Variants in TRIO observed in about 807,000 individuals in gnomAD.
The protein encoded by TRIO is trio Rho guanine nucleotide exchange factor.
A neutral mutation model predicts 351.9 loss-of-function variants in TRIO; 58 were observed. The ratio of observed to expected loss-of-function variants is 0.16; its 90% confidence interval spans 0.13 to 0.21. The LOEUF is 0.21. Among genes scored for constraint, TRIO ranks in the 10% least tolerant of loss-of-function variants. TRIO has a pLI of 1.00. For missense variants in TRIO, 3,201 were observed against 4,027.8 expected (o/e 0.79, Z 5.56); for synonymous variants, 1,758 against 1,595.7 (o/e 1.10, Z -2.42).
At chr5:14,465,750 G>C (rs1754207485) in intron 37 of TRIO, 110 bp downstream of exon 37, 5 of 1,231,730 alleles carry the variant, frequency 4.1e-6, no homozygotes, top group Admixed American at 3.9e-5. Context: ...TGTGGCTGTG[G>C]CTTATGGCAC....
chr5:14,397,984 G>T (rs1298432130), intron 29 of TRIO, among the ~76,000 whole-genome samples: 1 of 152,128 alleles, frequency 6.6e-6, no homozygotes, highest in Non-Finnish European at 1.5e-5. Context: ...ATTCCATTTA[G>T]CAGGAAGTGG....
intron 15 of TRIO, among the ~76,000 whole-genome samples, chr5:14,365,493 A>C (rs1561396982): frequency 6.6e-6 from 1 of 151,936 alleles, no homozygotes; most frequent in Non-Finnish European, 1.5e-5. Flanking sequence ...GAACAGGTAG[A>C]CTCTTCAGTC....
intron 34 of TRIO, chr5:14,440,690 G>T (rs1455146381): frequency 6.6e-6 from 1 of 152,180 alleles, no homozygotes; most frequent in African/African-American, 2.4e-5. Flanking sequence ...CTATTAGGCC[G>T]CATTACATTT....
At chr5:14,399,688 A>G (rs1273855130) in intron 30 of TRIO, among the ~76,000 whole-genome samples, 1 of 152,198 alleles carries the variant, frequency 6.6e-6, no homozygotes, top group Non-Finnish European at 1.5e-5. Context: ...TCTTGGCAAG[A>G]GCAACATACC....
chr5:14,504,489 G>T lies in TRIO; in HGVS notation c.8508G>T (p.Gln2836His). The T allele has an allele frequency of 6.2e-7, 1 of 1,614,124 alleles. No individual in the cohort carries two copies. Among genetic ancestry groups the T allele is most frequent in the Non-Finnish European group, 8.5e-7 (1 of 1,180,022 alleles). The change falls in exon 55 of 57, where the codon CAG (glutamine) becomes CAT (histidine). Residue 2836 changes from glutamine to histidine, a missense_variant. This residue lies in a region of TRIO where 1,089 missense variants were observed against 954.9 expected (regional missense o/e 1.14). Transcript: ENST00000344204. ...ACAAGAAGTTGATGAAGCGCGACCA[G>T]GTCACCCATGAGCTTGGCATCCTGC... ...FVNKKLMKRD[Q>H]VTHELGILQS...
At chr5:14,315,014 G>A (rs897905917) in intron 8 of TRIO, among the ~76,000 whole-genome samples, 2 of 152,090 alleles carry the variant, frequency 1.3e-5, no homozygotes, top group African/African-American at 2.4e-5. Context: ...CATTTCCAAC[G>A]TCTCAAATTC....
chr5:14,364,422 T>A (rs1052314192), intron 14 of TRIO, among the ~76,000 whole-genome samples: 4 of 152,222 alleles, frequency 2.6e-5, no homozygotes, highest in African/African-American at 9.6e-5. Context: ...AATGCCACAC[T>A]TTCCTAGTTA....
intron 34 of TRIO, among the ~76,000 whole-genome samples, chr5:14,422,032 A>G (rs932848976): frequency 6.6e-6 from 1 of 152,184 alleles, no homozygotes; most frequent in Non-Finnish European, 1.5e-5. Flanking sequence ...CGGCCTGCCC[A>G]TGCCAGCCAT....
intron 1 of TRIO, among the ~76,000 whole-genome samples, chr5:14,204,987 C>T (rs1016997999): frequency 6.6e-6 from 1 of 152,072 alleles, no homozygotes; most frequent in Non-Finnish European, 1.5e-5. Flanking sequence ...TGGTGTCACC[C>T]CTTCTTCAGG....
rs1369860736 is a variant in TRIO, at chr5:14,485,235, A to G, written c.6824A>G (p.Asn2275Ser). The stretch of plus-strand genomic sequence containing the variant: ...AACCAAATTTTAGAAAACCAGCGCA[A>G]TTTTTTAAATGGTAATGTGTGTTCT... The part of the protein sequence containing the change: ...EINQILENQR[N>S]FLNALTSPIE... The change falls in exon 47 of 57, where the codon AAT becomes AGT. Residue 2275 changes from asparagine (N) to serine (S), a missense_variant. By Grantham distance (46) the Asn-to-Ser change is conservative (BLOSUM62 1). Coordinates refer to ENST00000344204, the MANE Select transcript of TRIO (RefSeq NM_007118.4). The G allele has an allele frequency of 1.1e-5, 17 of 1,578,736 alleles. No homozygotes were observed. Among genetic ancestry groups the G allele is most frequent in the African/African-American group, 4.1e-5 (3 of 73,912 alleles).
Position 14,358,466 on chromosome 5 carries a change from A to T in TRIO, c.2216+119A>T. ...TCTCTGTCCAGCTGAGTGCAGAGCTAGTAGTGTCTGTGAAGGCAAAGGAGA... is the reference window on the plus strand; with the variant it reads ...TCTCTGTCCAGCTGAGTGCAGAGCTTGTAGTGTCTGTGAAGGCAAAGGAGA... On this transcript the variant is annotated intron_variant, in intron 12 of 56. Coordinates refer to ENST00000344204, the MANE Select transcript of TRIO (RefSeq NM_007118.4). The T allele has an allele frequency of 4.3e-5, 50 of 1,167,910 alleles. No individual in the cohort carries two copies. In the Middle Eastern group the frequency reaches 6.2e-4, roughly 14 times the overall value. 72.3% of individuals were successfully genotyped at this position (1,167,910 alleles called of 1,614,324 possible).
chr5:14,374,618 T>C (rs1327400075), intron 19 of TRIO, among the ~76,000 whole-genome samples: 1 of 152,136 alleles, frequency 6.6e-6, no homozygotes. Context: ...TTTACTGACA[T>C]TGGCTATTTT....
rs1561541843 is a variant in TRIO, at chr5:14,482,785, C to CTCTGTG, written c.6657+14_6657+19dup. 2 of 1,539,304 alleles carry CTCTGTG rather than the reference C, an allele frequency of 1.3e-6. No individual in the cohort carries two copies. The highest frequency in any genetic ancestry group is 2.4e-5 in the South Asian group (2 of 82,056). Reference sequence around the variant, plus strand: ...AGAACAGTATCAAGGTAACGTGTGTCTCTGTGTGATTTCTCTGTGCCAGCG... The same window carrying CTCTGTG: ...AGAACAGTATCAAGGTAACGTGTGTCTCTGTGTCTGTGTGATTTCTCTGTGCCAGCG... On this transcript the variant is annotated intron_variant, in intron 46 of 56. Transcript: ENST00000344204.
At chr5:14,393,549 G>T (rs886571020) in intron 27 of TRIO, among the ~76,000 whole-genome samples, 5 of 152,094 alleles carry the variant, frequency 3.3e-5, no homozygotes, top group African/African-American at 1.2e-4. Flanking sequence ...GATAACCTTT[G>T]ATTATGCTTC....
At chr5:14,479,191 G>A in intron 41 of TRIO, 70 bp from the exon 42 acceptor site, 4 of 1,280,784 alleles carry the variant, frequency 3.1e-6, no homozygotes, top group Non-Finnish European at 4.5e-6. Flanking sequence ...GCTGAAATGT[G>A]CGGGTACTCG....
At chr5:14,167,154 A>G (rs1039045960) in intron 1 of TRIO, among the ~76,000 whole-genome samples, 1 of 151,062 alleles carries the variant, frequency 6.6e-6, no homozygotes, top group African/African-American at 2.4e-5. Context: ...TTTAAGATCT[A>G]GTTGCCTCTG....
intron 1 of TRIO, among the ~76,000 whole-genome samples, chr5:14,193,767 CTAATT>C (rs763970920): frequency 1.3e-5 from 2 of 152,244 alleles, no homozygotes; most frequent in East Asian, 1.9e-4. Context: ...ATTTATGTGA[CTAATT>C]TACGCGAAAC....
chr5:14,185,902 G>A (rs894876089), intron 1 of TRIO, among the ~76,000 whole-genome samples: 1 of 152,170 alleles, frequency 6.6e-6, no homozygotes, highest in Non-Finnish European at 1.5e-5. Context: ...GGAGAAGACT[G>A]TTTTGCAATT....
chr5:14,484,703 C>T (rs924017330), intron 46 of TRIO, among the ~76,000 whole-genome samples: 2 of 152,168 alleles, frequency 1.3e-5, no homozygotes, highest in African/African-American at 4.8e-5. Flanking sequence ...CATCATCTGT[C>T]TTCACAACTC....
Sources: gnomAD v4.1 joint callset for allele counts (sites outside exome capture counted in the v4.1 genomes callset) on GRCh38, gnomAD v4.1.1 for gene constraint, gnomAD v4.1.1 regional missense constraint, MANE v1.5 for transcripts, NCBI Gene and HGNC (gene_info 2026-07-23, HGNC 2026-07-21) for gene names.